IPO9: variants seen among roughly 807,000 people sequenced by gnomAD.
The protein encoded by IPO9 is importin-9.
Under a neutral mutation model 128.6 loss-of-function variants are expected in IPO9, and 28 were observed. The ratio of observed to expected loss-of-function variants is 0.22; its 90% CI spans 0.16 to 0.30. The LOEUF (loss-of-function observed/expected upper bound fraction) is 0.30. Ranked by LOEUF, IPO9 falls within the 10% of genes least tolerant of loss-of-function variation. IPO9 has a pLI of 1.00. For synonymous variants in IPO9, 455 were observed against 475.8 expected, an observed-to-expected ratio of 0.96 and a Z score of 0.57; for missense variants, 935 against 1,293.9, an observed-to-expected ratio of 0.72 and a Z score of 4.26.
At chr1:201,867,810 T>A (rs1428095594) in intron 15 of IPO9, among the ~76,000 whole-genome samples, 1 of 152,100 alleles carries the variant, frequency 6.6e-6, no homozygotes, top group Non-Finnish European at 1.5e-5. Flanking sequence ...AGGATAAGGA[T>A]TATTTATATA....
chr1:201,847,320 G>C lies in IPO9; in HGVS notation c.205G>C (p.Gly69Arg). 6.2e-7 allele frequency: 1 copy of C among 1,613,996 alleles called. No homozygotes were observed. ...GGCAGAACTGACTGTAGATCCCCAGGGGGCACTGGCAATCCGTCAGGTAAG... is the reference window on the plus strand; with the variant it reads ...GGCAGAACTGACTGTAGATCCCCAGCGGGCACTGGCAATCCGTCAGGTAAG... Reference protein sequence around the residue: ...HLAELTVDPQGALAIRQLASV... With the variant: ...HLAELTVDPQRALAIRQLASV... Residue 69 changes from glycine to arginine, a missense_variant, in exon 2 of 24, where the codon GGG becomes CGG. Gly to Arg is a moderately radical substitution (Grantham distance 125). This residue lies in a region of IPO9 where 741 missense variants were observed against 1,019.1 expected (regional missense o/e 0.73). Coordinates refer to ENST00000361565, the MANE Select transcript of IPO9 (RefSeq NM_018085.5).
chr1:201,875,741 C>G (rs1221216103), intron 23 of IPO9, among the ~76,000 whole-genome samples: 1 of 152,044 alleles, frequency 6.6e-6, no homozygotes, highest in Non-Finnish European at 1.5e-5. Context: ...TGTGAAGGTC[C>G]TTGGGGTGAT....
Position 201,876,019 on chromosome 1 carries a change from A to G in IPO9, c.3091A>G (p.Asn1031Asp). ...AATGTTTTCAGGCCACCTTAATGAC[A>G]ATGAGAGGCGAGTTCTACAGACCAT... is the stretch of plus-strand genomic sequence containing the variant. Reference protein sequence around the residue: ...YIMFSGHLNDNERRVLQTIGI With the variant: ...YIMFSGHLNDDERRVLQTIGI The change falls in exon 24 of 24, where the codon AAT becomes GAT. Residue 1031 changes from asparagine (N) to aspartate (D), a missense_variant. Transcript: ENST00000361565. 6.2e-7 allele frequency: 1 copy of G among 1,613,760 alleles called. No homozygotes were observed. The highest frequency in any genetic ancestry group is 2.2e-5 in the East Asian group (1 of 44,880).
Position 201,849,284 on chromosome 1 carries a change from C to T in IPO9, c.514+690C>T, listed in dbSNP as rs999907094. Among the ~76,000 whole-genome samples the T allele has an allele frequency of 2.1e-4, 32 of 152,114 alleles. 1 individual carries two copies. The highest frequency in any genetic ancestry group is 7.5e-4 in the African/African-American group (31 of 41,428). ...GATATCTCTTCTAAACCTGATTAAG[C>T]TATCAATCCCTCCCAGAATCTGCTT... is the stretch of plus-strand genomic sequence containing the variant. On this transcript the variant is annotated intron_variant, in intron 4 of 23. Coordinates refer to ENST00000361565, the MANE Select transcript of IPO9 (RefSeq NM_018085.5).
rs1680299278 is a variant in IPO9, at chr1:201,854,816, T to G, written c.811-7T>G. On this transcript the variant is annotated splice_polypyrimidine_tract_variant and splice_region_variant and intron_variant, in intron 7 of 23. Transcript: ENST00000361565. Reference sequence around the variant, plus strand: ...ATAACTTGGGTCCTTTTCTCTTAACTTCTTAGGCAGTGACAGCCCTAGTGA... The same window carrying G: ...ATAACTTGGGTCCTTTTCTCTTAACGTCTTAGGCAGTGACAGCCCTAGTGA... The G allele has an allele frequency of 6.2e-7, 1 of 1,604,570 alleles. No individual in the cohort carries two copies. Among genetic ancestry groups the G allele is most frequent in the Admixed American group, 1.7e-5 (1 of 57,582 alleles).
intron 17 of IPO9, among the ~76,000 whole-genome samples, chr1:201,869,928 C>T (rs1200472532): frequency 2.6e-5 from 4 of 152,168 alleles, no homozygotes. Flanking sequence ...ATATGGATAC[C>T]AAGCACCCTG....
At chr1:201,860,120 G>A (rs1248134560) in intron 13 of IPO9, among the ~76,000 whole-genome samples, 1 of 152,144 alleles carries the variant, frequency 6.6e-6, no homozygotes, top group Non-Finnish European at 1.5e-5. Context: ...CGAAAACACT[G>A]CCTTTGCTTT....
intron 14 of IPO9, among the ~76,000 whole-genome samples, chr1:201,865,800 C>G (rs1680543894): frequency 6.6e-6 from 1 of 152,082 alleles, no homozygotes; most frequent in Non-Finnish European, 1.5e-5. Flanking sequence ...GTTAAAAATA[C>G]ATTGTCTAGG....
At chr1:201,858,760 G>C in intron 12 of IPO9, 95 bp from the exon 13 acceptor site, 1 of 1,307,014 alleles carries the variant, frequency 7.7e-7, no homozygotes, top group South Asian at 1.5e-5. Context: ...GGAAGAGATT[G>C]TGCTGGAGTG....
At chr1:201,869,809 T>G (rs1430188537) in intron 17 of IPO9, 91 bp downstream of exon 17, 1 of 1,440,816 alleles carries the variant, frequency 6.9e-7, no homozygotes. Flanking sequence ...TTTTATGCTT[T>G]TGAAATACGG....
intron 1 of IPO9, among the ~76,000 whole-genome samples, chr1:201,831,041 C>T (rs1027817316): frequency 5.3e-5 from 8 of 152,206 alleles, no homozygotes; most frequent in African/African-American, 1.9e-4. Flanking sequence ...CTCGCTCTAT[C>T]GTGTAGACTT....
At chr1:201,849,307 C>T (rs1490840962) in intron 4 of IPO9, among the ~76,000 whole-genome samples, 1 of 152,176 alleles carries the variant, frequency 6.6e-6, no homozygotes, top group African/African-American at 2.4e-5. Flanking sequence ...CCAGAATCTG[C>T]TTTCATATAT....
intron 5 of IPO9, among the ~76,000 whole-genome samples, 158 bp downstream of exon 5, chr1:201,852,350 A>G (rs1680235354): frequency 6.6e-6 from 1 of 152,148 alleles, no homozygotes; most frequent in African/African-American, 2.4e-5. Context: ...TAGACCTTTC[A>G]CTCAACTACA....
In IPO9 at chr1:201,881,654, T is replaced by A. The variant is rs1680885217; in HGVS notation, c.*5600T>A. On this transcript the variant is annotated 3_prime_UTR_variant, in exon 24 of 24. Transcript: ENST00000361565. ...CTGCTTCCTCTAGAGAATGGGAGAC[T>A]ACCCAAGATAACTAAACAGGGAAGT... is the stretch of plus-strand genomic sequence containing the variant. 1.3e-5 allele frequency: 2 copies of A among 152,216 alleles called. No homozygotes were observed. The highest frequency in any genetic ancestry group is 1.3e-4 in the Admixed American group (2 of 15,284). The allele number at this position is 152,216 out of a possible 1,614,324, so 9.4% of individuals were successfully genotyped here.
chr1:201,861,804 A>G (rs190111542), intron 13 of IPO9, among the ~76,000 whole-genome samples: 8 of 152,368 alleles, frequency 5.3e-5, no homozygotes, highest in Admixed American at 5.2e-4. Flanking sequence ...ATTAGTGGCT[A>G]GACTATCAAA....
intron 23 of IPO9, 135 bp downstream of exon 23, chr1:201,875,363 G>A (rs1267048236): frequency 1.3e-6 from 1 of 777,294 alleles, no homozygotes; most frequent in African/African-American, 1.7e-5. Flanking sequence ...GTCAAGGCGG[G>A]AGGATTGCTT....
At chr1:201,841,404 A>G (rs1680033277) in intron 1 of IPO9, among the ~76,000 whole-genome samples, 1 of 152,214 alleles carries the variant, frequency 6.6e-6, no homozygotes, top group Non-Finnish European at 1.5e-5. Flanking sequence ...AAGAAGTTAC[A>G]AATAAGGGAA....
In IPO9 at chr1:201,845,197, G is replaced by A. The variant is rs551394063; in HGVS notation, c.164-2082G>A. 7.9e-5 allele frequency among the ~76,000 whole-genome samples: 12 copies of A among 152,230 alleles called. No homozygotes were observed. In the South Asian group the frequency reaches 1.9e-3, roughly 24 times the overall value. On this transcript the variant is annotated intron_variant, in intron 1 of 23. Transcript: ENST00000361565. ...ATATCCGGCTAATTTTGTATTTTTA[G>A]TAGAGACGGGATTTCTCCATGTTGG...
chr1:201,853,676 G>A (rs983531861), intron 6 of IPO9, among the ~76,000 whole-genome samples: 8 of 152,026 alleles, frequency 5.3e-5, no homozygotes, highest in East Asian at 1.9e-4. Flanking sequence ...TCAGCCTCCC[G>A]AGTAGGTGAG....
Sources: gnomAD v4.1 joint callset for allele counts (sites outside exome capture counted in the v4.1 genomes callset) on GRCh38, gnomAD v4.1.1 for gene constraint, gnomAD v4.1.1 regional missense constraint, MANE v1.5 for transcripts, NCBI Gene and HGNC (gene_info 2026-07-23, HGNC 2026-07-21) for gene names.